GNG2: variants seen among roughly 807,000 people sequenced by gnomAD.
GNG2 encodes guanine nucleotide-binding protein G(I)/G(S)/G(O) subunit gamma-2.
Under a neutral mutation model 5.5 loss-of-function variants are expected in GNG2, and 5 were observed. The observed-to-expected ratio is 0.91, with a 90% CI of 0.48 to 1.92. GNG2 has a LOEUF of 1.92. GNG2 is among the 30% of genes most tolerant of loss of function. The probability of loss-of-function intolerance (pLI) is 0.01; values close to 1 mark genes in which losing one functional copy is unlikely to be tolerated. For missense variants in GNG2, 55 were observed against 88.4 expected, an observed-to-expected ratio of 0.62 and a Z score of 1.52; for synonymous variants, 28 against 32.0, an observed-to-expected ratio of 0.88 and a Z score of 0.42.
At chr14:51,864,269 T>C (rs1049291113) in intron 1 of GNG2, among the ~76,000 whole-genome samples, 3 of 152,226 alleles carry the variant, frequency 2.0e-5, no homozygotes, top group African/African-American at 4.8e-5. Context: ...TCACTAGTGA[T>C]GTTGAGCATC....
At chr14:51,844,302 T>C (rs1159867579) in intron 2 of GNG2, among the ~76,000 whole-genome samples, 1 of 152,218 alleles carries the variant, frequency 6.6e-6, no homozygotes, top group African/African-American at 2.4e-5. Context: ...AACAATCTGG[T>C]CTGGTTTCCC....
intron 2 of GNG2, among the ~76,000 whole-genome samples, chr14:51,878,291 C>T (rs1037944039): frequency 2.0e-5 from 3 of 152,176 alleles, no homozygotes; most frequent in African/African-American, 4.8e-5. Flanking sequence ...TCCCCTCCCC[C>T]ACCATTTTAA....
chr14:51,852,026 A>G (rs1566644838), intron 2 of GNG2, among the ~76,000 whole-genome samples: 2 of 71,660 alleles, frequency 2.8e-5, no homozygotes, highest in Non-Finnish European at 6.7e-5. Context: ...TTCTAGATGT[A>G]AAAATTTAGC....
At chr14:51,960,051 A>T (rs1594963630) in intron 3 of GNG2, among the ~76,000 whole-genome samples, 1 of 152,014 alleles carries the variant, frequency 6.6e-6, no homozygotes, top group Non-Finnish European at 1.5e-5. Context: ...TTTTTCAGCC[A>T]TTATATCTTC....
chr14:51,880,467 A>G (rs752037258), intron 2 of GNG2, among the ~76,000 whole-genome samples: 3 of 152,162 alleles, frequency 2.0e-5, no homozygotes, highest in Non-Finnish European at 4.4e-5. Flanking sequence ...AAAGTAAGAA[A>G]CCATTTCTTG....
chr14:51,905,957 T>C (rs1253337478), intron 2 of GNG2, among the ~76,000 whole-genome samples: 1 of 152,244 alleles, frequency 6.6e-6, no homozygotes, highest in Admixed American at 6.5e-5. Flanking sequence ...CTGTGAGTCA[T>C]TTCCTTTATA....
chr14:51,932,713 A>G (rs1006632445), intron 2 of GNG2, among the ~76,000 whole-genome samples: 5 of 152,240 alleles, frequency 3.3e-5, no homozygotes, highest in Admixed American at 2.6e-4. Context: ...TGTTTAAGAG[A>G]AAGGAAGCCA....
chr14:51,927,909 C>T (rs1887425363), intron 2 of GNG2, among the ~76,000 whole-genome samples: 1 of 151,990 alleles, frequency 6.6e-6, no homozygotes, highest in African/African-American at 2.4e-5. Context: ...AAAACATGAG[C>T]TGATCCCCTT....
intron 2 of GNG2, among the ~76,000 whole-genome samples, chr14:51,889,720 C>A (rs555246739): frequency 6.6e-6 from 1 of 152,262 alleles, no homozygotes; most frequent in Non-Finnish European, 1.5e-5. Flanking sequence ...GTAGAACTTT[C>A]TAGCATTAGA....
intron 3 of GNG2, among the ~76,000 whole-genome samples, chr14:51,952,904 C>T (rs987626789): frequency 7.2e-5 from 11 of 152,254 alleles, no homozygotes; most frequent in Non-Finnish European, 1.6e-4. Context: ...GCTCATGATT[C>T]CCCATCACCA....
intron 1 of GNG2, among the ~76,000 whole-genome samples, chr14:51,871,238 T>C (rs1883273605): frequency 6.6e-6 from 1 of 152,140 alleles, no homozygotes; most frequent in African/African-American, 2.4e-5. Flanking sequence ...TTGACATTTT[T>C]ATTTTTTCTT....
Position 51,843,169 on chromosome 14 carries a change from G to C in GNG2, c.64+15362G>C, listed in dbSNP as rs550647969. On this transcript the variant is annotated intron_variant, in intron 2 of 3. Transcript: ENST00000553432. ...CCGTAAATCATAGGAAAGGTCTTCA[G>C]GGGAGAGGGAAGAAATGATGCTTCT... 4.6e-5 allele frequency among the ~76,000 whole-genome samples: 7 copies of C among 152,308 alleles called. No individual in the cohort carries two copies. In the South Asian group the frequency reaches 1.0e-3, roughly 23 times the overall value.
chr14:51,834,541 G>C (rs1274388518), intron 2 of GNG2, among the ~76,000 whole-genome samples: 1 of 152,230 alleles, frequency 6.6e-6, no homozygotes, highest in African/African-American at 2.4e-5. Context: ...AGAATGACAA[G>C]TCAGAAGACA....
intron 2 of GNG2, among the ~76,000 whole-genome samples, chr14:51,834,233 T>C (rs944304822): frequency 2.0e-5 from 3 of 152,190 alleles, no homozygotes; most frequent in African/African-American, 7.2e-5. Flanking sequence ...TATTAACTAG[T>C]GCGATGCAAA....
At chr14:51,940,249 A>T (rs1013344116) in intron 2 of GNG2, 12 of 152,306 alleles carry the variant, frequency 7.9e-5, no homozygotes, top group African/African-American at 2.7e-4. Context: ...TTCATTCTTC[A>T]TCTTAGCCAG....
chr14:51,845,967 C>T (rs1055018767), intron 2 of GNG2, among the ~76,000 whole-genome samples: 2 of 152,148 alleles, frequency 1.3e-5, no homozygotes, highest in African/African-American at 4.8e-5. Context: ...GCTCCAGCAT[C>T]TATAAAACAT....
At chr14:51,897,614 T>C (rs1686081496) in intron 2 of GNG2, among the ~76,000 whole-genome samples, 2 of 152,242 alleles carry the variant, frequency 1.3e-5, no homozygotes, top group Admixed American at 1.3e-4. Flanking sequence ...TCAAATTTGC[T>C]TTCCAGGGAC....
At chr14:51,929,144 A>G (rs1887512652) in intron 2 of GNG2, among the ~76,000 whole-genome samples, 1 of 152,200 alleles carries the variant, frequency 6.6e-6, no homozygotes, top group Admixed American at 6.5e-5. Flanking sequence ...TAAAGTATTA[A>G]TTAGACCTCT....
chr14:51,884,307 G>A (rs1594874061), intron 2 of GNG2, among the ~76,000 whole-genome samples: 1 of 152,314 alleles, frequency 6.6e-6, no homozygotes, highest in East Asian at 1.9e-4. Context: ...ATGTTAATGT[G>A]TAGTTTTAGC....
Sources: gnomAD v4.1 joint callset for allele counts (sites outside exome capture counted in the v4.1 genomes callset) on GRCh38, gnomAD v4.1.1 for gene constraint, MANE v1.5 for transcripts, NCBI Gene and HGNC (gene_info 2026-07-23, HGNC 2026-07-21) for gene names.